Variants in TENT4B observed in about 807,000 individuals in gnomAD.
TENT4B encodes PAP associated domain containing 5.
In TENT4B, 10 loss-of-function variants were observed where a neutral mutation model predicts 75.0. The observed-to-expected ratio is 0.13, with a 90% CI of 0.08 to 0.23. The LOEUF (loss-of-function observed/expected upper bound fraction) is 0.23, where lower values mean the gene tolerates loss of function less well. TENT4B is among the 10% of genes least tolerant of loss of function. TENT4B has a pLI of 1.00. For missense variants in TENT4B, 579 were observed against 893.8 expected (o/e 0.65, Z 4.49); for synonymous variants, 350 against 357.7 (o/e 0.98, Z 0.24).
intron 1 of TENT4B, among the ~76,000 whole-genome samples, chr16:50,182,603 A>G (rs1216573165): frequency 1.3e-5 from 2 of 152,170 alleles, no homozygotes. Flanking sequence ...GTTGACATAT[A>G]TAGCTTTTTT....
In TENT4B at chr16:50,231,860, T is replaced by G. The variant is rs75282405; in HGVS notation, c.*2532T>G. 1.6e-5 allele frequency: 16 copies of G among 983,522 alleles called. No individual in the cohort carries two copies. The highest frequency in any genetic ancestry group is 1.9e-5 in the Non-Finnish European group (16 of 828,130). The allele number at this position is 983,522 out of a possible 1,614,324, so 60.9% of individuals were successfully genotyped here. A position where few individuals can be genotyped will look rare whatever the true frequency, so the allele number is the denominator to read the frequency against. ...TGCCTGCTCATTTGTTTTATACATT[T>G]CATCTATTTGACTCCTATCTTATTT... On this transcript the variant is annotated 3_prime_UTR_variant, in exon 12 of 12. Coordinates refer to ENST00000561678, the MANE Select transcript of TENT4B (RefSeq NM_001365324.3).
intron 1 of TENT4B, among the ~76,000 whole-genome samples, chr16:50,186,059 A>C (rs1273273529): frequency 1.3e-5 from 2 of 152,200 alleles, no homozygotes; most frequent in Non-Finnish European, 2.9e-5. Flanking sequence ...TATACATAAG[A>C]TAAAATTTAC....
intron 1 of TENT4B, among the ~76,000 whole-genome samples, chr16:50,154,620 C>T (rs2037854658): frequency 6.6e-6 from 1 of 151,948 alleles, no homozygotes; most frequent in African/African-American, 2.4e-5. Flanking sequence ...CAGCCCTCCA[C>T]ACCTTTTTCC....
rs2032338529 is a variant in TENT4B at position 50,232,933 on chromosome 16, A to G, written c.*3605A>G. ...AAAACTAAATGGTAAACTATCAAAA[A>G]TACATTCCCAATTTTGCTGTGATAA... On this transcript the variant is annotated 3_prime_UTR_variant, in exon 12 of 12. Transcript: ENST00000561678. The G allele has an allele frequency of 1.1e-5, 11 of 985,422 alleles. No individual in the cohort carries two copies. Among genetic ancestry groups the G allele is most frequent in the East Asian group, 1.1e-4 (1 of 8,824 alleles). 61.0% of individuals were successfully genotyped at this position (985,422 alleles called of 1,614,324 possible).
At chr16:50,221,820 A>G (rs1279718975) in intron 5 of TENT4B, among the ~76,000 whole-genome samples, 1 of 151,482 alleles carries the variant, frequency 6.6e-6, no homozygotes, top group Non-Finnish European at 1.5e-5. Context: ...CTGGGGTGCA[A>G]TGGCACGATC....
intron 1 of TENT4B, among the ~76,000 whole-genome samples, chr16:50,190,794 A>G (rs933041895): frequency 6.6e-6 from 1 of 151,976 alleles, no homozygotes; most frequent in African/African-American, 2.4e-5. Flanking sequence ...AATTATCACC[A>G]CCATCTGTTT....
chr16:50,200,954 G>A (rs2030607369), intron 1 of TENT4B, among the ~76,000 whole-genome samples: 1 of 151,784 alleles, frequency 6.6e-6, no homozygotes, highest in South Asian at 2.1e-4. Context: ...ACACCACCAT[G>A]CCCTGCTAAT....
In TENT4B at chr16:50,230,982, C is replaced by T. The variant is rs1410572679; in HGVS notation, c.*1654C>T. On this transcript the variant is annotated 3_prime_UTR_variant, in exon 12 of 12. Coordinates refer to ENST00000561678, the MANE Select transcript of TENT4B (RefSeq NM_001365324.3). ...TTCTTTTATATACATTTATGAAATA[C>T]TGAAGACCAATCAGACCATTAATGG... 2.0e-6 allele frequency: 2 copies of T among 981,798 alleles called. No individual in the cohort carries two copies. The highest frequency in any genetic ancestry group is 6.2e-5 in the Admixed American group (1 of 16,236). 60.8% of individuals were successfully genotyped at this position (981,798 alleles called of 1,614,324 possible).
In TENT4B at chr16:50,230,497, T is replaced by C. The variant is rs142113446; in HGVS notation, c.*1169T>C. On this transcript the variant is annotated 3_prime_UTR_variant, in exon 12 of 12. Transcript: ENST00000561678. ...GTAAACAGCTTTAATTAAATCATAC[T>C]TATAAAAAACTATTTTCTTATATTC... is the stretch of plus-strand genomic sequence containing the variant. 77 of 980,520 alleles carry C rather than the reference T, an allele frequency of 7.9e-5. No homozygotes were observed. The African/African-American group carries it at 1.3e-3, about 17-fold the overall frequency. The allele number at this position is 980,520 out of a possible 1,614,324, so 60.7% of individuals were successfully genotyped here.
chr16:50,210,963 A>C (rs1019892110), intron 1 of TENT4B, among the ~76,000 whole-genome samples: 8 of 152,234 alleles, frequency 5.3e-5, no homozygotes, highest in African/African-American at 1.9e-4. Flanking sequence ...TGGATCCCCA[A>C]GAGATAAGAG....
chr16:50,232,854 A>G lies in TENT4B; in HGVS notation c.*3526A>G, dbSNP rs1332898718. On this transcript the variant is annotated 3_prime_UTR_variant, in exon 12 of 12. Coordinates refer to ENST00000561678, the MANE Select transcript of TENT4B (RefSeq NM_001365324.3). ...TTGAATTCTAATATGTTGATTTCTC[A>G]GTGTTTCTGTCACTAACCAAGAATG... is the stretch of plus-strand genomic sequence containing the variant. 1.0e-6 allele frequency: 1 copy of G among 985,156 alleles called. No homozygotes were observed. Among genetic ancestry groups the G allele is most frequent in the Non-Finnish European group, 1.2e-6 (1 of 829,794 alleles). 61.0% of individuals were successfully genotyped at this position (985,156 alleles called of 1,614,324 possible). A position where few individuals can be genotyped will look rare whatever the true frequency, so the allele number is the denominator to read the frequency against.
intron 2 of TENT4B, among the ~76,000 whole-genome samples, chr16:50,212,589 A>G (rs2031341347): frequency 6.6e-6 from 1 of 152,196 alleles, no homozygotes; most frequent in Non-Finnish European, 1.5e-5. Flanking sequence ...AGTATATGAC[A>G]GTATGTATAT....
chr16:50,205,210 G>T (rs2030881010), intron 1 of TENT4B, among the ~76,000 whole-genome samples: 1 of 152,008 alleles, frequency 6.6e-6, no homozygotes, highest in African/African-American at 2.4e-5. Context: ...TGTGTGGGGC[G>T]GGCAGAGGGC....
In TENT4B at chr16:50,154,279, C is replaced by A; in HGVS notation, c.638+20C>A. The A allele has an allele frequency of 7.2e-7, 1 of 1,395,868 alleles. No homozygotes were observed. The highest frequency in any genetic ancestry group is 3.3e-5 in the Admixed American group (1 of 30,606). 86.5% of individuals were successfully genotyped at this position (1,395,868 alleles called of 1,614,324 possible). On this transcript the variant is annotated intron_variant, in intron 1 of 11. Transcript: ENST00000561678. ...CGTGGGGTGAGTGCTGGCTCTGCGG[C>A]CCGATGGCCTGGCCGGTGCGAATGC...
Position 50,217,667 on chromosome 16 carries a change from A to C in TENT4B, c.1038+4A>C. The stretch of plus-strand genomic sequence containing the variant: ...CCTCATCAAAGATTTTACCAAGGTC[A>C]GAGAATTTAGCGTTTATACAACAAA... On this transcript the variant is annotated splice_donor_region_variant and intron_variant, in intron 5 of 11. Coordinates refer to ENST00000561678, the MANE Select transcript of TENT4B (RefSeq NM_001365324.3). 1.3e-6 allele frequency: 2 copies of C among 1,493,652 alleles called. No homozygotes were observed. The highest frequency in any genetic ancestry group is 1.8e-6 in the Non-Finnish European group (2 of 1,110,646). The allele number at this position is 1,493,652 out of a possible 1,614,324, so 92.5% of individuals were successfully genotyped here. A position where few individuals can be genotyped will look rare whatever the true frequency, so the allele number is the denominator to read the frequency against.
intron 1 of TENT4B, among the ~76,000 whole-genome samples, chr16:50,161,184 A>G (rs933200456): frequency 6.6e-6 from 1 of 152,182 alleles, no homozygotes. Flanking sequence ...TTTTTTTGTA[A>G]GAGATTATAT....
At chr16:50,191,590 A>G (rs913379808) in intron 1 of TENT4B, among the ~76,000 whole-genome samples, 2 of 151,896 alleles carry the variant, frequency 1.3e-5, no homozygotes, top group Admixed American at 6.6e-5. Flanking sequence ...TAAATATATA[A>G]CTAAACACAT....
chr16:50,185,794 C>T (rs2038514878), intron 1 of TENT4B, among the ~76,000 whole-genome samples: 1 of 152,076 alleles, frequency 6.6e-6, no homozygotes, highest in African/African-American at 2.4e-5. Context: ...TGGCATACCT[C>T]TCACTCCCCC....
In TENT4B at chr16:50,231,820, C is replaced by G. The variant is rs565447557; in HGVS notation, c.*2492C>G. ...TTTTCAATCTGAAGTAAAATACTTT[C>G]AAGAACTTTTAGTTTGCCTGCTCAT... On this transcript the variant is annotated 3_prime_UTR_variant, in exon 12 of 12. Transcript: ENST00000561678. 2.0e-6 allele frequency: 2 copies of G among 985,202 alleles called. No homozygotes were observed. The highest frequency in any genetic ancestry group is 1.1e-4 in the East Asian group (1 of 8,808). The allele number at this position is 985,202 out of a possible 1,614,324, so 61.0% of individuals were successfully genotyped here.
Sources: gnomAD v4.1 joint callset for allele counts (sites outside exome capture counted in the v4.1 genomes callset) on GRCh38, gnomAD v4.1.1 for gene constraint, MANE v1.5 for transcripts, NCBI Gene and HGNC (gene_info 2026-07-23, HGNC 2026-07-21) for gene names.